The following RANBP2 variants were observed in gnomAD, a reference collection of about 807,000 sequenced individuals.
The protein encoded by RANBP2 is RAN binding protein 2.
In RANBP2, 57 loss-of-function variants were observed where a neutral mutation model predicts 303.6. The observed-to-expected ratio is 0.19, with a 90% confidence interval of 0.15 to 0.23. The LOEUF is 0.23. Among genes scored for constraint, RANBP2 ranks in the 10% least tolerant of loss-of-function variants. RANBP2 has a pLI of 1.00. For synonymous variants in RANBP2, 1,167 were observed against 1,301.5 expected (o/e 0.90, Z 2.23); for missense variants, 3,138 against 3,780.8 (o/e 0.83, Z 4.46).
chr2:109,664,318 T>A, the RANBP2 span, among the ~76,000 whole-genome samples: 1 of 152,144 alleles, frequency 6.6e-6, no homozygotes, highest in Non-Finnish European at 1.5e-5. Context: ...CTTATAAAAA[T>A]CTCTTGGCCA....
At chr2:109,448,218 C>G in the RANBP2 span, among the ~76,000 whole-genome samples, 2 of 152,200 alleles carry the variant, frequency 1.3e-5, no homozygotes, top group East Asian at 3.8e-4. Flanking sequence ...CACTGAGATG[C>G]TTTCACAGGC....
At chr2:108,963,285 T>C in the RANBP2 span, among the ~76,000 whole-genome samples, 3 of 152,200 alleles carry the variant, frequency 2.0e-5, no homozygotes, top group African/African-American at 7.2e-5. Flanking sequence ...CACTACACAC[T>C]GTTAAACTGT....
chr2:109,237,619 A>G, the RANBP2 span, among the ~76,000 whole-genome samples: 1 of 152,230 alleles, frequency 6.6e-6, no homozygotes, highest in South Asian at 2.1e-4. Flanking sequence ...TTTTTTTTAA[A>G]GCTCATCGGC....
chr2:108,798,396 C>T, the RANBP2 span: 1 of 1,585,414 alleles, frequency 6.3e-7, no homozygotes, highest in Non-Finnish European at 8.6e-7. Context: ...TGTGACTTTT[C>T]AAGAGCATTA....
chr2:108,731,223 T>A, intron 3 of RANBP2, 99 bp from the exon 4 acceptor site: 1 of 1,503,258 alleles, frequency 6.7e-7, no homozygotes. Flanking sequence ...TTTTAAGGGT[T>A]GGAGTGATAA....
chr2:108,997,318 G>A, the RANBP2 span, among the ~76,000 whole-genome samples: 1 of 151,810 alleles, frequency 6.6e-6, no homozygotes, highest in African/African-American at 2.4e-5. Flanking sequence ...GCGTGCGCCT[G>A]TAGTCCCAGC....
chr2:109,076,919 G>T, the RANBP2 span, among the ~76,000 whole-genome samples: 2 of 150,464 alleles, frequency 1.3e-5, no homozygotes, highest in Non-Finnish European at 3.0e-5. Flanking sequence ...TACCACAAAA[G>T]ATCCTGAATA....
At chr2:108,906,733 G>A in the RANBP2 span, among the ~76,000 whole-genome samples, 1 of 152,204 alleles carries the variant, frequency 6.6e-6, no homozygotes, top group Non-Finnish European at 1.5e-5. Context: ...CCCGGATCAC[G>A]TGGCTGGTGC....
At chr2:108,743,935 T>A (rs558493976) in intron 7 of RANBP2, among the ~76,000 whole-genome samples, 4 of 152,352 alleles carry the variant, frequency 2.6e-5, no homozygotes, top group South Asian at 2.1e-4. Flanking sequence ...AGCTTAATGA[T>A]CAAATGATTA....
At chr2:109,464,501 CAAAT>C in the RANBP2 span, among the ~76,000 whole-genome samples, 5 of 152,172 alleles carry the variant, frequency 3.3e-5, no homozygotes, top group Admixed American at 6.5e-5. Context: ...GATGCATACA[CAAAT>C]ACATACATGC....
At chr2:109,499,346 GT>G in the RANBP2 span, among the ~76,000 whole-genome samples, 1 of 152,220 alleles carries the variant, frequency 6.6e-6, no homozygotes, top group Non-Finnish European at 1.5e-5. Context: ...TCAGCCAGGG[GT>G]TTTTAGGCAG....
chr2:109,727,068 C>T, the RANBP2 span, among the ~76,000 whole-genome samples: 9 of 152,148 alleles, frequency 5.9e-5, no homozygotes, highest in Middle Eastern at 0.014. Flanking sequence ...CCTGGTGCTT[C>T]CTAAACCACA....
the RANBP2 span, among the ~76,000 whole-genome samples, chr2:109,578,628 G>A: frequency 2.6e-5 from 4 of 152,102 alleles, no homozygotes; most frequent in African/African-American, 9.7e-5. Flanking sequence ...TTAGCTCGGA[G>A]TGCTGGTGGG....
chr2:109,493,650 T>C, the RANBP2 span, among the ~76,000 whole-genome samples: 4 of 148,914 alleles, frequency 2.7e-5, no homozygotes, highest in African/African-American at 1.0e-4. Flanking sequence ...ACACACACCA[T>C]ACACACACAT....
At chr2:109,031,136 C>T in the RANBP2 span, among the ~76,000 whole-genome samples, 11 of 152,096 alleles carry the variant, frequency 7.2e-5, no homozygotes, top group Non-Finnish European at 1.5e-4. Context: ...TCCCTAAGTC[C>T]ATTCCTGCTG....
the RANBP2 span, among the ~76,000 whole-genome samples, chr2:109,554,569 G>T: frequency 6.6e-6 from 1 of 151,968 alleles, no homozygotes; most frequent in Non-Finnish European, 1.5e-5. Flanking sequence ...TGAACTTAAC[G>T]CTTACAGCTT....
At chr2:109,613,801 G>A in the RANBP2 span, 1 of 1,232,902 alleles carries the variant, frequency 8.1e-7, no homozygotes, top group Non-Finnish European at 1.0e-6. Context: ...GACTCACCAG[G>A]TGCCGCGCCA....
At chr2:108,804,663 T>C in the RANBP2 span, among the ~76,000 whole-genome samples, 1 of 152,212 alleles carries the variant, frequency 6.6e-6, no homozygotes, top group East Asian at 1.9e-4. Flanking sequence ...AATGCTAATA[T>C]GTTTTAATAA....
At chr2:109,441,781 A>G in the RANBP2 span, among the ~76,000 whole-genome samples, 1 of 152,226 alleles carries the variant, frequency 6.6e-6, no homozygotes, top group African/African-American at 2.4e-5. Flanking sequence ...CTCATAAAGA[A>G]AACACTGAAA....
Sources: gnomAD v4.1 joint callset for allele counts (sites outside exome capture counted in the v4.1 genomes callset) on GRCh38, gnomAD v4.1.1 for gene constraint, MANE v1.5 for transcripts, NCBI Gene and HGNC (gene_info 2026-07-23, HGNC 2026-07-21) for gene names.